The following PECAM1 variants were observed in gnomAD, a reference collection of about 807,000 sequenced individuals.
PECAM1 encodes platelet and endothelial cell adhesion molecule 1, also known as platelet endothelial cell adhesion molecule.
PECAM1 carries 8 observed loss-of-function variants against 13.8 expected under a neutral mutation model. The observed-to-expected ratio is 0.58, with a 90% confidence interval of 0.34 to 1.05. The LOEUF (loss-of-function observed/expected upper bound fraction) is 1.05, where lower values mean the gene tolerates loss of function less well. Among genes scored for constraint, PECAM1 ranks in the 50% least tolerant of loss-of-function variants. PECAM1 has a pLI of 0.03. For missense variants in PECAM1, 304 were observed against 141.2 expected, an observed-to-expected ratio of 2.15 and a Z score of -5.84; for synonymous variants, 136 against 52.6, an observed-to-expected ratio of 2.58 and a Z score of -6.86.
intron 2 of PECAM1, among the ~76,000 whole-genome samples, chr17:64,383,666 T>C (rs1384678386): frequency 6.6e-6 from 1 of 152,068 alleles, no homozygotes; most frequent in African/African-American, 2.4e-5. Flanking sequence ...CACTAACCAG[T>C]CCTAGTTCAT....
Position 64,323,583 on chromosome 17 carries a change from T to C in PECAM1, c.*233A>G, listed in dbSNP as rs1397019091. ...TTCCAATTTCCAAGGATGTTCCAAC[T>C]TGGTGGAAGGAGGGTATGTGGGAAA... On this transcript the variant is annotated 3_prime_UTR_variant, in exon 16 of 16. Coordinates refer to ENST00000563924, the MANE Select transcript of PECAM1 (RefSeq NM_000442.5). The C allele has an allele frequency of 7.0e-6, 10 of 1,421,654 alleles. No homozygotes were observed. The highest frequency in any genetic ancestry group is 9.2e-6 in the Non-Finnish European group (10 of 1,091,398). The allele number at this position is 1,421,654 out of a possible 1,614,324, so 88.1% of individuals were successfully genotyped here.
At chr17:64,384,331 G>T in intron 2 of PECAM1, among the ~76,000 whole-genome samples, 1 of 152,070 alleles carries the variant, frequency 6.6e-6, no homozygotes, top group African/African-American at 2.4e-5. Flanking sequence ...CAAAAACAGT[G>T]ACCTAGTTTT....
At chr17:64,385,064 T>C (rs2036563662) in intron 2 of PECAM1, among the ~76,000 whole-genome samples, 1 of 152,168 alleles carries the variant, frequency 6.6e-6, no homozygotes, top group Non-Finnish European at 1.5e-5. Context: ...CTACCTCCAA[T>C]TGTGTGCAAA....
chr17:64,390,667 C>T lies in PECAM1; in HGVS notation c.-2G>A. ...CCCTTGGGCCCACCTCGGCTGCATC[C>T]TGAGAGTGAAGACTGCAGGCACAGT... On this transcript the variant is annotated 5_prime_UTR_variant, in exon 1 of 16. Transcript: ENST00000563924. The T allele has an allele frequency of 2.2e-6, 1 of 465,060 alleles. No homozygotes were observed. Among genetic ancestry groups the T allele is most frequent in the Non-Finnish European group, 3.9e-6 (1 of 254,202 alleles). 28.8% of individuals were successfully genotyped at this position (465,060 alleles called of 1,614,324 possible). A position where few individuals can be genotyped will look rare whatever the true frequency, so the allele number is the denominator to read the frequency against.
At chr17:64,331,078 A>G (rs1386604086) in intron 14 of PECAM1, among the ~76,000 whole-genome samples, 1 of 152,186 alleles carries the variant, frequency 6.6e-6, no homozygotes, top group Non-Finnish European at 1.5e-5. Context: ...AATCCCTTCC[A>G]GGAGCAGGCT....
chr17:64,371,502 C>T (rs2036236128), intron 4 of PECAM1, among the ~76,000 whole-genome samples: 1 of 151,816 alleles, frequency 6.6e-6, no homozygotes, highest in South Asian at 2.1e-4. Flanking sequence ...GTGAGACCCT[C>T]CATCTCAAAA....
Position 64,321,840 on chromosome 17 carries a change from C to G in PECAM1, c.*1976G>C. ...GAGTAGGAATAGGGTCTTTGCAGCT[C>G]CCGTGGCAATTGCCCTTCTCTGGTG... On this transcript the variant is annotated 3_prime_UTR_variant, in exon 16 of 16. Transcript: ENST00000563924. 2 of 1,349,504 alleles carry G rather than the reference C, an allele frequency of 1.5e-6. No homozygotes were observed. The highest frequency in any genetic ancestry group is 2.0e-6 in the Non-Finnish European group (2 of 1,019,654). The allele number at this position is 1,349,504 out of a possible 1,614,324, so 83.6% of individuals were successfully genotyped here.
At chr17:64,371,613 C>T (rs1401814908) in intron 4 of PECAM1, among the ~76,000 whole-genome samples, 3 of 152,120 alleles carry the variant, frequency 2.0e-5, no homozygotes, top group Non-Finnish European at 2.9e-5. Flanking sequence ...GGGTGGATCA[C>T]GAGGTCAGGA....
chr17:64,378,920 A>G (rs1379514124), intron 2 of PECAM1: 1 of 152,380 alleles, frequency 6.6e-6, no homozygotes, highest in Non-Finnish European at 1.5e-5. Context: ...TGCTACCTCC[A>G]TTCCGAAACC....
At chr17:64,383,285 G>T (rs1376423614) in intron 2 of PECAM1, among the ~76,000 whole-genome samples, 2 of 152,072 alleles carry the variant, frequency 1.3e-5, no homozygotes, top group Non-Finnish European at 2.9e-5. Context: ...TGCTTAGCTG[G>T]GTGATCTCGG....
At chr17:64,365,675 A>T (rs549297134) in intron 5 of PECAM1, among the ~76,000 whole-genome samples, 119,100 of 149,908 alleles carry the variant, frequency 0.79, 53,445 homozygotes, top group East Asian at 1. Flanking sequence ...GCCGCATATC[A>T]ACAACTATCT....
intron 13 of PECAM1, among the ~76,000 whole-genome samples, chr17:64,345,487 T>C (rs1420296243): frequency 6.6e-6 from 1 of 151,770 alleles, no homozygotes; most frequent in Non-Finnish European, 1.5e-5. Flanking sequence ...TCAAGGCGGG[T>C]GGATCACCTG....
intron 2 of PECAM1, among the ~76,000 whole-genome samples, chr17:64,379,987 T>C (rs1262670938): frequency 2.0e-5 from 3 of 149,288 alleles, no homozygotes; most frequent in Non-Finnish European, 3.0e-5. Context: ...ATCATGCCAG[T>C]GCACTCCAGC....
At chr17:64,366,341 T>A (rs2036104897) in intron 5 of PECAM1, among the ~76,000 whole-genome samples, 2 of 151,628 alleles carry the variant, frequency 1.3e-5, no homozygotes, top group Non-Finnish European at 2.9e-5. Flanking sequence ...CTGGAGAGGA[T>A]GTGGAGAAAC....
In PECAM1 at chr17:64,322,729, T is replaced by A. The variant is rs1357205066; in HGVS notation, c.*1087A>T. 1 of 973,682 alleles carries A rather than the reference T, an allele frequency of 1.0e-6. No individual in the cohort carries two copies. The highest frequency in any genetic ancestry group is 1.2e-6 in the Non-Finnish European group (1 of 819,352). The allele number at this position is 973,682 out of a possible 1,614,324, so 60.3% of individuals were successfully genotyped here. On this transcript the variant is annotated 3_prime_UTR_variant, in exon 16 of 16. Coordinates refer to ENST00000563924, the MANE Select transcript of PECAM1 (RefSeq NM_000442.5). Reference sequence around the variant, plus strand: ...TAGCAAGCAATTTTGTTTTTTGTTTTTTTTGAGATGGATTCTCACTCTGTC... The same window carrying A: ...TAGCAAGCAATTTTGTTTTTTGTTTATTTTGAGATGGATTCTCACTCTGTC...
chr17:64,346,316 G>A (rs2035568883), intron 13 of PECAM1, among the ~76,000 whole-genome samples: 1 of 151,986 alleles, frequency 6.6e-6, no homozygotes, highest in Non-Finnish European at 1.5e-5. Context: ...GGTTCGCAAA[G>A]GAGGAGGACA....
intron 2 of PECAM1, among the ~76,000 whole-genome samples, chr17:64,381,754 A>G (rs1598054342): frequency 6.6e-6 from 1 of 152,168 alleles, no homozygotes; most frequent in Non-Finnish European, 1.5e-5. Flanking sequence ...TTTATATGCA[A>G]CTTACAAGCT....
intron 7 of PECAM1, among the ~76,000 whole-genome samples, 195 bp downstream of exon 7, chr17:64,359,945 G>T (rs2035935251): frequency 6.6e-6 from 1 of 151,964 alleles, no homozygotes; most frequent in African/African-American, 2.4e-5. Context: ...TAGAGATGGG[G>T]TTTCACCATG....
chr17:64,339,878 A>T (rs899374503), intron 14 of PECAM1, among the ~76,000 whole-genome samples: 8 of 152,190 alleles, frequency 5.3e-5, no homozygotes, highest in Non-Finnish European at 1.0e-4. Flanking sequence ...TGCCTGGCAC[A>T]GTGGCTCACG....
Sources: gnomAD v4.1 joint callset for allele counts (sites outside exome capture counted in the v4.1 genomes callset) on GRCh38, gnomAD v4.1.1 for gene constraint, MANE v1.5 for transcripts, NCBI Gene and HGNC (gene_info 2026-07-23, HGNC 2026-07-21) for gene names.